The following GRID2 variants were observed in gnomAD, a reference collection of about 807,000 sequenced individuals.
GRID2 encodes the protein glutamate receptor ionotropic, delta-2.
A neutral mutation model predicts 114.8 loss-of-function variants in GRID2; 33 were observed. That is an observed-to-expected ratio of 0.29 (90% CI 0.22 to 0.38). The LOEUF (loss-of-function observed/expected upper bound fraction) is 0.38, where lower values mean the gene tolerates loss of function less well. Among genes scored for constraint, GRID2 ranks in the 10% least tolerant of loss-of-function variants. The pLI, the probability that GRID2 is intolerant of heterozygous loss-of-function variation, is 1.00. For synonymous variants in GRID2, 505 were observed against 449.9 expected, an observed-to-expected ratio of 1.12 and a Z score of -1.55; for missense variants, 1,184 against 1,257.7, an observed-to-expected ratio of 0.94 and a Z score of 0.89.
intron 14 of GRID2, among the ~76,000 whole-genome samples, chr4:93,740,852 A>G (rs1339907355): frequency 6.7e-6 from 1 of 150,146 alleles, no homozygotes; most frequent in East Asian, 1.9e-4. Flanking sequence ...CCTGAATTCC[A>G]GTCTTGGTTC....
intron 2 of GRID2, among the ~76,000 whole-genome samples, chr4:92,595,021 T>C (rs1002043747): frequency 5.9e-5 from 9 of 152,072 alleles, no homozygotes; most frequent in African/African-American, 2.2e-4. Flanking sequence ...AATTCTTACA[T>C]GTATTTGATG....
intron 2 of GRID2, among the ~76,000 whole-genome samples, chr4:92,986,883 A>C (rs1285040849): frequency 6.6e-6 from 1 of 152,178 alleles, no homozygotes; most frequent in Non-Finnish European, 1.5e-5. Context: ...CTCTTAGAAA[A>C]TGTGGACAGC....
chr4:92,538,191 C>A (rs1290804265), intron 1 of GRID2, among the ~76,000 whole-genome samples: 1 of 152,134 alleles, frequency 6.6e-6, no homozygotes, highest in Non-Finnish European at 1.5e-5. Context: ...GTGTTCAAAA[C>A]AGTTCATGAG....
chr4:92,715,110 G>T (rs2117452), intron 2 of GRID2, among the ~76,000 whole-genome samples: 147,449 of 152,310 alleles, frequency 0.97, 71,396 homozygotes, highest in East Asian at 1. Flanking sequence ...CTCTTTTGCT[G>T]TGCTGCTTAG....
Position 93,216,882 on chromosome 4 carries a change from C to T in GRID2, c.934C>T (p.Pro312Ser). 1 of 1,612,474 alleles carries T rather than the reference C, an allele frequency of 6.2e-7. No homozygotes were observed. The highest frequency in any genetic ancestry group is 1.3e-5 in the African/African-American group (1 of 74,952). ...TCGAATATCTTCAACATTGTGTGAT[C>T]CAAAGGATCCATTTGCTCAGAATAT... ...NHRISSTLCD[P>S]KDPFAQNMEI... Residue 312 changes from proline (P) to serine (S), a missense_variant, in exon 6 of 16, where the codon CCA becomes TCA. By Grantham distance (74) the Pro-to-Ser change is moderately conservative (BLOSUM62 -1). Coordinates refer to ENST00000282020, the MANE Select transcript of GRID2 (RefSeq NM_001510.4).
At chr4:93,086,335 C>T (rs1241746775) in intron 3 of GRID2, among the ~76,000 whole-genome samples, 1 of 152,098 alleles carries the variant, frequency 6.6e-6, no homozygotes, top group East Asian at 1.9e-4. Flanking sequence ...CTTTCTTGTC[C>T]TAAGCTACCC....
intron 1 of GRID2, among the ~76,000 whole-genome samples, chr4:92,496,542 T>A (rs1031581280): frequency 1.3e-5 from 2 of 151,788 alleles, no homozygotes; most frequent in Admixed American, 1.3e-4. Context: ...GAAAGAGAAG[T>A]TGAAGTTTAT....
At chr4:92,892,888 A>G (rs1746887489) in intron 2 of GRID2, among the ~76,000 whole-genome samples, 1 of 152,242 alleles carries the variant, frequency 6.6e-6, no homozygotes, top group South Asian at 2.1e-4. Context: ...GAAACAATTT[A>G]CTAACATTAA....
intron 1 of GRID2, among the ~76,000 whole-genome samples, chr4:92,448,445 G>A (rs968532133): frequency 1.3e-5 from 2 of 152,038 alleles, no homozygotes; most frequent in African/African-American, 2.4e-5. Context: ...GGAATTACAG[G>A]CATGAGCCAC....
chr4:92,663,747 CTT>C (rs1199701165), intron 2 of GRID2, among the ~76,000 whole-genome samples: 1 of 151,078 alleles, frequency 6.6e-6, no homozygotes, highest in African/African-American at 2.4e-5. Context: ...CTGCAGAACT[CTT>C]TTCATCTTGG....
chr4:93,090,785 G>C (rs915479030), intron 3 of GRID2, among the ~76,000 whole-genome samples: 1 of 152,094 alleles, frequency 6.6e-6, no homozygotes, highest in African/African-American at 2.4e-5. Context: ...AGTGGGCCTG[G>C]TTTGCCTGAG....
chr4:93,566,022 GTCAT>G (rs1735377232), intron 13 of GRID2, among the ~76,000 whole-genome samples: 1 of 152,148 alleles, frequency 6.6e-6, no homozygotes, highest in Admixed American at 6.5e-5. Context: ...GCTCCACACA[GTCAT>G]TCAGGGAACA....
intron 1 of GRID2, among the ~76,000 whole-genome samples, chr4:92,438,839 T>C (rs1732865229): frequency 6.6e-6 from 1 of 152,222 alleles, no homozygotes; most frequent in Admixed American, 6.5e-5. Context: ...CCTGTGCATC[T>C]ATTCATGTAA....
intron 3 of GRID2, among the ~76,000 whole-genome samples, chr4:93,094,856 A>G (rs1731067318): frequency 1.3e-5 from 2 of 152,024 alleles, no homozygotes; most frequent in African/African-American, 2.4e-5. Context: ...ACTGAGCCCC[A>G]AGCATAAGTA....
chr4:92,573,033 T>C (rs1329947430), intron 1 of GRID2, among the ~76,000 whole-genome samples: 1 of 152,118 alleles, frequency 6.6e-6, no homozygotes, highest in Admixed American at 6.6e-5. Context: ...ATTCCGTTTC[T>C]TCCTGGTTCA....
chr4:92,753,389 T>A (rs546086881), intron 2 of GRID2, among the ~76,000 whole-genome samples: 1 of 152,276 alleles, frequency 6.6e-6, no homozygotes, highest in African/African-American at 2.4e-5. Context: ...TCAAAGGGGA[T>A]GAGTGTAATA....
At chr4:92,489,957 T>A (rs530472647) in intron 1 of GRID2, among the ~76,000 whole-genome samples, 2 of 152,112 alleles carry the variant, frequency 1.3e-5, no homozygotes, top group Non-Finnish European at 2.9e-5. Flanking sequence ...TGGAGCTACT[T>A]CTTTATATGA....
At chr4:93,308,220 C>T (rs374053018) in intron 8 of GRID2, among the ~76,000 whole-genome samples, 7 of 152,260 alleles carry the variant, frequency 4.6e-5, no homozygotes, top group African/African-American at 1.7e-4. Flanking sequence ...AAGATCTGGC[C>T]GGAAGTGATG....
At chr4:92,844,872 A>G (rs1743189751) in intron 2 of GRID2, among the ~76,000 whole-genome samples, 1 of 152,096 alleles carries the variant, frequency 6.6e-6, no homozygotes, top group Admixed American at 6.6e-5. Context: ...GCTTTTTTAA[A>G]AAGTATCTTT....
Sources: allele counts gnomAD v4.1 joint callset (sites outside exome capture counted in the v4.1 genomes callset), GRCh38; gene constraint gnomAD v4.1.1; transcripts MANE v1.5; gene names NCBI Gene and HGNC (gene_info 2026-07-23, HGNC 2026-07-21).